The following CEP104 variants were observed in gnomAD, a reference collection of about 807,000 sequenced individuals.
CEP104 encodes the protein centrosomal protein 104.
Under a neutral mutation model 113.3 loss-of-function variants are expected in CEP104, and 84 were observed. The observed-to-expected ratio is 0.74, with a 90% CI of 0.62 to 0.89. The LOEUF (loss-of-function observed/expected upper bound fraction) is 0.89, where lower values mean the gene tolerates loss of function less well. Among genes scored for constraint, CEP104 ranks in the 40% least tolerant of loss-of-function variants. The probability of loss-of-function intolerance (pLI) is 0.00; values close to 1 mark genes in which losing one functional copy is unlikely to be tolerated. For synonymous variants in CEP104, 378 were observed against 421.7 expected (o/e 0.90, Z 1.27); for missense variants, 1,053 against 1,156.6 (o/e 0.91, Z 1.30).
chr1:3,844,579 T>G (rs1003283192), intron 6 of CEP104, among the ~76,000 whole-genome samples: 7 of 151,442 alleles, frequency 4.6e-5, no homozygotes, highest in Non-Finnish European at 4.4e-5. Context: ...GCACCTGTAA[T>G]CCCAGCTACT....
intron 9 of CEP104, 36 bp from the exon 10 acceptor site, chr1:3,836,728 A>C (rs760980048): frequency 6.3e-7 from 1 of 1,595,822 alleles, no homozygotes; most frequent in Admixed American, 1.7e-5. Flanking sequence ...AGTGCTGGGG[A>C]GCTCCATAGG....
rs778850368 is a variant in CEP104, at chr1:3,837,516, G to A, written c.895C>T (p.Arg299Ter). The change falls in exon 9 of 22, where the codon CGA becomes TGA. Residue 299 changes from arginine to a stop codon, truncating the protein, a stop_gained. Coordinates refer to ENST00000378230, the MANE Select transcript of CEP104 (RefSeq NM_014704.4). LOFTEE classifies it high-confidence loss of function. ...LHSLLDAELM[R>*]RPFDLPLQPL... is the part of the protein sequence containing the mutation. ...TGGAGGGGCAAATCAAAAGGTCTTCGCATCTAGAGAACAAAAAGGAACATT... is the reference window on the plus strand; with the variant it reads ...TGGAGGGGCAAATCAAAAGGTCTTCACATCTAGAGAACAAAAAGGAACATT... 4.2e-5 allele frequency: 67 copies of A among 1,613,790 alleles called. No homozygotes were observed. The highest frequency in any genetic ancestry group is 5.6e-5 in the Non-Finnish European group (66 of 1,179,844).
intron 20 of CEP104, among the ~76,000 whole-genome samples, chr1:3,821,775 T>A (rs147637488): frequency 6.6e-6 from 1 of 152,358 alleles, no homozygotes; most frequent in East Asian, 1.9e-4. Flanking sequence ...GGGAACGTAG[T>A]CAGCAGATCC....
intron 20 of CEP104, 48 bp from the exon 21 acceptor site, chr1:3,816,418 G>A: frequency 6.9e-7 from 1 of 1,455,336 alleles, no homozygotes; most frequent in Non-Finnish European, 9.3e-7. Flanking sequence ...AGACGGACCT[G>A]GCACGCTACC....
In CEP104 at chr1:3,825,752, C is replaced by T; in HGVS notation, c.2364+6G>A. ...AAGTAGCTGGCTGCTGTGCCGCTGG[C>T]CTGACCTGTTTGCAGTGGTCACATC... On this transcript the variant is annotated splice_donor_region_variant and intron_variant, in intron 18 of 21. Coordinates refer to ENST00000378230, the MANE Select transcript of CEP104 (RefSeq NM_014704.4). The T allele has an allele frequency of 6.3e-7, 1 of 1,595,230 alleles. No individual in the cohort carries two copies. Among genetic ancestry groups the T allele is most frequent in the Non-Finnish European group, 8.6e-7 (1 of 1,162,786 alleles).
chr1:3,850,153 T>C (rs1557693643), intron 2 of CEP104, among the ~76,000 whole-genome samples: 1 of 152,228 alleles, frequency 6.6e-6, no homozygotes, highest in African/African-American at 2.4e-5. Flanking sequence ...TGATGATGCA[T>C]TTCTCAGAAA....
At chr1:3,840,800 A>G (rs1017216180) in intron 6 of CEP104, among the ~76,000 whole-genome samples, 1 of 152,196 alleles carries the variant, frequency 6.6e-6, no homozygotes, top group Admixed American at 6.5e-5. Flanking sequence ...TCGGACTCCC[A>G]AAGTGCTGAG....
intron 8 of CEP104, 150 bp from the exon 9 acceptor site, chr1:3,837,669 CCA>C (rs1357832651): frequency 6.1e-6 from 4 of 660,694 alleles, no homozygotes; most frequent in Non-Finnish European, 1.0e-5. Context: ...AGAGAAACTT[CCA>C]CAGAGTGAAA....
chr1:3,835,988 A>G (rs1017437324), intron 10 of CEP104, among the ~76,000 whole-genome samples: 5 of 138,584 alleles, frequency 3.6e-5, no homozygotes, highest in African/African-American at 1.4e-4. Context: ...TGGGTGACAG[A>G]GTGACACTCT....
At position 3,831,192 on chromosome 1, in the gene CEP104, G is replaced by C; in HGVS notation, c.1690C>G (p.Leu564Val). 6.2e-7 allele frequency: 1 copy of C among 1,614,184 alleles called. No individual in the cohort carries two copies. ...ACCAGGTAGGATGGAATAATTTGGA[G>C]AGACTTAACTTCTTTAAACAAGGCC... is the stretch of plus-strand genomic sequence containing the variant. ...EMALFKEVKS[L>V]QIIPSYLVQP... Residue 564 changes from leucine (L) to valine (V), a missense_variant, in exon 13 of 22, where the codon CTC becomes GTC. By Grantham distance (32) the Leu-to-Val change is conservative. Transcript: ENST00000378230.
At chr1:3,828,660 G>A (rs552227718) in intron 15 of CEP104, among the ~76,000 whole-genome samples, 1 of 152,228 alleles carries the variant, frequency 6.6e-6, no homozygotes, top group African/African-American at 2.4e-5. Context: ...TCTGCGGAAC[G>A]GAAACTCCCT....
At position 3,826,370 on chromosome 1, in the gene CEP104, T is replaced by C; in HGVS notation, c.2255A>G (p.Asn752Ser). Reference protein sequence around the residue: ...LGIPDEHYLDNLCIFCGERSE... With the variant: ...LGIPDEHYLDSLCIFCGERSE... ...ATGGGTGGAAGACAGCGCGACTTACTTATCTAGATAGTGCTCATCCGGGAT... is the reference window on the plus strand; with the variant it reads ...ATGGGTGGAAGACAGCGCGACTTACCTATCTAGATAGTGCTCATCCGGGAT... The change falls in exon 17 of 22, where the codon AAT (asparagine) becomes AGT (serine). Residue 752 changes from asparagine (N) to serine (S), a missense_variant and splice_region_variant. Physicochemically the swap from Asn to Ser is conservative, Grantham distance 46. Transcript: ENST00000378230. The C allele has an allele frequency of 6.2e-7, 1 of 1,613,860 alleles. No homozygotes were observed. Among genetic ancestry groups the C allele is most frequent in the Non-Finnish European group, 8.5e-7 (1 of 1,179,768 alleles).
In CEP104 at chr1:3,848,651, C is replaced by G. The variant is rs1359911689; in HGVS notation, c.244G>C (p.Glu82Gln). Reference sequence around the variant, plus strand: ...TCTGCTTGATAGGGTGCAAAATATTCAGGCAAGCTTTCACTAATGTAGAAC... The same window carrying G: ...TCTGCTTGATAGGGTGCAAAATATTGAGGCAAGCTTTCACTAATGTAGAAC... ...IEFYISESLP[E>Q]YFAPYQAERF... Residue 82 changes from glutamate (E) to glutamine (Q), a missense_variant, in exon 3 of 22, where the codon GAA (glutamate) becomes CAA (glutamine). By Grantham distance (29) the Glu-to-Gln change is conservative (BLOSUM62 2). Coordinates refer to ENST00000378230, the MANE Select transcript of CEP104 (RefSeq NM_014704.4). 4 of 1,613,180 alleles carry G rather than the reference C, an allele frequency of 2.5e-6. No homozygotes were observed. In the Admixed American group the frequency reaches 6.7e-5, roughly 27 times the overall value.
Position 3,848,784 on chromosome 1 carries a change from GA to G in CEP104, c.114-4del. On this transcript the variant is annotated splice_polypyrimidine_tract_variant and splice_region_variant and intron_variant, in intron 2 of 21. Transcript: ENST00000378230. Reference sequence around the variant, plus strand: ...TTTCTTGTGGAAACTGGCAAAATCTGAAAGCAAACACATTTTTATATTTTCT... The same window carrying G: ...TTTCTTGTGGAAACTGGCAAAATCTGAAGCAAACACATTTTTATATTTTCT... 6.2e-7 allele frequency: 1 copy of G among 1,605,138 alleles called. No homozygotes were observed. Among genetic ancestry groups the G allele is most frequent in the Non-Finnish European group, 8.5e-7 (1 of 1,177,434 alleles).
chr1:3,832,235 G>C (rs966856302), intron 12 of CEP104, among the ~76,000 whole-genome samples: 5 of 151,320 alleles, frequency 3.3e-5, no homozygotes, highest in African/African-American at 7.3e-5. Flanking sequence ...TAGCACATTA[G>C]GTCGTAACCA....
Position 3,823,404 on chromosome 1 carries a change from G to C in CEP104, c.2503+20C>G, listed in dbSNP as rs1252050890. On this transcript the variant is annotated intron_variant, in intron 19 of 21. Coordinates refer to ENST00000378230, the MANE Select transcript of CEP104 (RefSeq NM_014704.4). The surrounding 1 kb of genome is among the most constrained non-coding windows in gnomAD (Gnocchi z 4.1). ...CCCCTGGTGACCCGAGGGCACGGGA[G>C]CCTGGGAAGGGGCACTCACGGTTGC... is the stretch of plus-strand genomic sequence containing the variant. 6 of 1,614,238 alleles carry C rather than the reference G, an allele frequency of 3.7e-6. No homozygotes were observed. The South Asian group carries it at 6.6e-5, about 18-fold the overall frequency.
chr1:3,824,854 A>C (rs183293038), intron 18 of CEP104, among the ~76,000 whole-genome samples: 2,681 of 48,512 alleles, frequency 0.055, 54 homozygotes, highest in East Asian at 0.22. Context: ...GTGGGAAGGG[A>C]GGCAGTGGCA....
intron 14 of CEP104, 59 bp from the exon 15 acceptor site, chr1:3,829,432 GA>G: frequency 1.6e-6 from 2 of 1,230,168 alleles, no homozygotes; most frequent in Non-Finnish European, 1.2e-6. Context: ...TAGAAACTGG[GA>G]GACAAATTAT....
At chr1:3,816,947 GTCC>G (rs1323537147) in intron 20 of CEP104, among the ~76,000 whole-genome samples, 1 of 152,252 alleles carries the variant, frequency 6.6e-6, no homozygotes, top group Non-Finnish European at 1.5e-5. Flanking sequence ...AGCTCATCTC[GTCC>G]TCCTGTTGGA....
Sources: allele counts gnomAD v4.1 joint callset (sites outside exome capture counted in the v4.1 genomes callset), GRCh38; gene constraint gnomAD v4.1.1; non-coding constraint Gnocchi (gnomAD v3.1); transcripts MANE v1.5; gene names NCBI Gene and HGNC (gene_info 2026-07-23, HGNC 2026-07-21).